TG: variants seen among roughly 807,000 people sequenced by gnomAD.
TG encodes the protein thyroid hormones.
TG carries 270 observed loss-of-function variants against 324.7 expected under a neutral mutation model. That is an observed-to-expected ratio of 0.83 (90% CI 0.75 to 0.92). TG has a LOEUF of 0.92. Among genes scored for constraint, TG ranks in the 40% least tolerant of loss-of-function variants. The pLI is 0.00. For synonymous variants in TG, 1,401 were observed against 1,327.0 expected, an observed-to-expected ratio of 1.06 and a Z score of -1.21; for missense variants, 3,591 against 3,456.4, an observed-to-expected ratio of 1.04 and a Z score of -0.98.
At chr8:133,037,583 A>AT (rs1837321640) in intron 41 of TG, 1 of 149,648 alleles carries the variant, frequency 6.7e-6, no homozygotes, top group Non-Finnish European at 1.5e-5. Flanking sequence ...TTGTTTATAC[A>AT]TTTTTTCCCT....
chr8:132,924,553 T>C (rs1440307005), intron 22 of TG, among the ~76,000 whole-genome samples: 2 of 152,198 alleles, frequency 1.3e-5, no homozygotes, highest in Non-Finnish European at 2.9e-5. Flanking sequence ...AGCTCTACCC[T>C]GTACCACGTA....
chr8:132,896,724 A>G (rs1213799836), intron 11 of TG, among the ~76,000 whole-genome samples: 2 of 151,956 alleles, frequency 1.3e-5, no homozygotes, highest in Admixed American at 6.6e-5. Flanking sequence ...TTTTTTCCCA[A>G]TCGGTGATTT....
intron 41 of TG, among the ~76,000 whole-genome samples, chr8:133,058,224 T>A (rs1680702062): frequency 6.6e-6 from 1 of 152,042 alleles, no homozygotes; most frequent in African/African-American, 2.4e-5. Flanking sequence ...TTAGGACCAA[T>A]GATCGGGGGA....
intron 45 of TG, among the ~76,000 whole-genome samples, chr8:133,129,373 A>G (rs570423030): frequency 1.3e-5 from 2 of 152,144 alleles, no homozygotes; most frequent in African/African-American, 4.8e-5. Context: ...GGTGGTACAC[A>G]TTGCTTCCCA....
rs894388130 is a variant in TG, at chr8:133,047,107, C to T, written c.7239+17084C>T. The T allele has an allele frequency of 5.3e-5, 8 of 152,176 alleles. No individual in the cohort carries two copies. The East Asian group carries it at 9.6e-4, about 18-fold the overall frequency. 9.4% of individuals were successfully genotyped at this position (152,176 alleles called of 1,614,324 possible). On this transcript the variant is annotated intron_variant, in intron 41 of 47. Transcript: ENST00000220616. ...AAATCTCATGGTCTAGATCAGGGAG[C>T]TGAGGCTTAGAGAGAGAGAAGCAGT... is the stretch of plus-strand genomic sequence containing the variant.
chr8:133,116,351 A>G (rs968267152), intron 44 of TG, among the ~76,000 whole-genome samples: 11 of 152,368 alleles, frequency 7.2e-5, no homozygotes, highest in Admixed American at 2.0e-4. Context: ...CCTAAAATAC[A>G]TCAGCATGGA....
In TG at chr8:132,871,531, A is replaced by C. The variant is rs558045141; in HGVS notation, c.458A>C (p.Gln153Pro). ...AEGMEVYGTR[Q>P]LGRPKRCPRS... ...GGGATGGAGGTGTATGGGACCCGCC[A>C]GCTGGGGAGGCCAAAGCGATGTGAG... Residue 153 changes from glutamine to proline, a missense_variant, in exon 4 of 48, where the codon CAG becomes CCG. Coordinates refer to ENST00000220616, the MANE Select transcript of TG (RefSeq NM_003235.5). 10 of 1,613,962 alleles carry C rather than the reference A, an allele frequency of 6.2e-6. No homozygotes were observed. The South Asian group carries it at 9.9e-5, about 16-fold the overall frequency.
intron 43 of TG, chr8:133,106,562 C>T (rs756783763): frequency 5.5e-5 from 33 of 596,028 alleles, no homozygotes; most frequent in Non-Finnish European, 6.8e-5. Context: ...CCACTGACCC[C>T]GTGGACCTCG....
chr8:132,989,714 C>T (rs958140508), intron 35 of TG, among the ~76,000 whole-genome samples: 6 of 152,202 alleles, frequency 3.9e-5, no homozygotes, highest in Non-Finnish European at 7.3e-5. Context: ...CGTGGGTTGA[C>T]GGAATTCACT....
intron 40 of TG, among the ~76,000 whole-genome samples, chr8:133,025,524 C>T (rs776233450): frequency 6.6e-6 from 1 of 152,162 alleles, no homozygotes; most frequent in Admixed American, 6.5e-5. Flanking sequence ...TTATAAGATG[C>T]TTTGGTTGGG....
rs1239181668 is a variant in TG, at chr8:133,019,785, C to T, written c.6876+90C>T. Reference sequence around the variant, plus strand: ...ACTGTGGCCAGCACAGTTCAGTCTCCTCCTCTGTGGCCTGCTGAGCTGAGG... The same window carrying T: ...ACTGTGGCCAGCACAGTTCAGTCTCTTCCTCTGTGGCCTGCTGAGCTGAGG... On this transcript the variant is annotated intron_variant, in intron 39 of 47. Transcript: ENST00000220616. 10 of 1,125,280 alleles carry T rather than the reference C, an allele frequency of 8.9e-6. No homozygotes were observed. In the East Asian group the frequency reaches 2.6e-4, roughly 29 times the overall value. 69.7% of individuals were successfully genotyped at this position (1,125,280 alleles called of 1,614,324 possible). A position where few individuals can be genotyped will look rare whatever the true frequency, so the allele number is the denominator to read the frequency against.
rs1342577194 is a variant in TG at position 132,868,143 on chromosome 8, T to C, written c.96T>C (p.Arg32=). The change falls in exon 2 of 48, where the codon CGT becomes CGC. Residue 32 remains arginine (R), a synonymous_variant. Coordinates refer to ENST00000220616, the MANE Select transcript of TG (RefSeq NM_003235.5). ...FEYQVDAQPL[R]PCELQRETAF... is the part of the protein sequence containing the mutation. ...ACCAGGTGGATGCCCAGCCCCTTCG[T>C]CCCTGTGAGCTGCAGAGGGAAACGG... 2.5e-6 allele frequency: 4 copies of C among 1,614,018 alleles called. No homozygotes were observed. Among genetic ancestry groups the C allele is most frequent in the South Asian group, 1.1e-5 (1 of 91,074 alleles).
In TG at chr8:132,907,039, T is replaced by C. The variant is rs1587351449; in HGVS notation, c.3847+139T>C. ...TGGTATGCCAGATGGCACCAAGAGA[T>C]GGGAGAGAGTCCCATGGAGCATTTT... is the stretch of plus-strand genomic sequence containing the variant. On this transcript the variant is annotated intron_variant, in intron 17 of 47. Transcript: ENST00000220616. 1.0e-5 allele frequency: 9 copies of C among 900,050 alleles called. No individual in the cohort carries two copies. The East Asian group carries it at 2.4e-4, about 24-fold the overall frequency. The allele number at this position is 900,050 out of a possible 1,614,324, so 55.8% of individuals were successfully genotyped here. A position where few individuals can be genotyped will look rare whatever the true frequency, so the allele number is the denominator to read the frequency against.
chr8:133,019,207 T>G (rs181814120), intron 38 of TG, among the ~76,000 whole-genome samples: 42 of 152,314 alleles, frequency 2.8e-4, no homozygotes, highest in African/African-American at 9.9e-4. Flanking sequence ...AAACCAGCAC[T>G]GTAGGACTCT....
intron 14 of TG, 75 bp downstream of exon 14, chr8:132,898,985 A>G: frequency 1.6e-6 from 2 of 1,286,284 alleles, no homozygotes; most frequent in Non-Finnish European, 2.2e-6. Context: ...TTTTTGTTCA[A>G]TACGTTCAGC....
chr8:133,063,267 C>CA (rs1842637862), intron 41 of TG, among the ~76,000 whole-genome samples: 1 of 151,800 alleles, frequency 6.6e-6, no homozygotes, highest in South Asian at 2.1e-4. Flanking sequence ...AGGGTGCCCC[C>CA]AGCCCTGCCA....
chr8:132,946,236 G>A (rs567821581), intron 26 of TG, among the ~76,000 whole-genome samples: 1 of 151,956 alleles, frequency 6.6e-6, no homozygotes, highest in Non-Finnish European at 1.5e-5. Flanking sequence ...GGTTGATTTC[G>A]TTTTCCTTAG....
chr8:133,090,715 A>C (rs571915290), intron 41 of TG, among the ~76,000 whole-genome samples: 1 of 152,202 alleles, frequency 6.6e-6, no homozygotes, highest in Non-Finnish European at 1.5e-5. Flanking sequence ...CAGCTCTGTG[A>C]ACGCTGATCA....
At chr8:132,978,292 G>C (rs994113610) in intron 34 of TG, among the ~76,000 whole-genome samples, 2 of 152,138 alleles carry the variant, frequency 1.3e-5, no homozygotes, top group African/African-American at 2.4e-5. Context: ...TGAACTCATA[G>C]AGCGAGAATT....
Sources: allele counts gnomAD v4.1 joint callset (sites outside exome capture counted in the v4.1 genomes callset), GRCh38; gene constraint gnomAD v4.1.1; transcripts MANE v1.5; gene names NCBI Gene and HGNC (gene_info 2026-07-23, HGNC 2026-07-21).